The following LZTR1 variants were observed in gnomAD, a reference collection of about 807,000 sequenced individuals.
LZTR1 encodes leucine-zipper-like transcriptional regulator 1.
A neutral mutation model predicts 105.7 loss-of-function variants in LZTR1; 260 were observed. The observed-to-expected ratio is 2.46, with a 90% CI of 2.22 to 2.72. The LOEUF (loss-of-function observed/expected upper bound fraction) is 2.72. Ranked by LOEUF, LZTR1 falls within the 30% of genes most tolerant of loss-of-function variation. LZTR1 has a pLI of 0.00. For missense variants in LZTR1, 1,214 were observed against 1,166.9 expected (o/e 1.04, Z -0.59); for synonymous variants, 490 against 476.4 (o/e 1.03, Z -0.37).
rs1190268151 is a variant in LZTR1 at position 20,995,018 on chromosome 22, T to G, written c.1934T>G (p.Val645Gly). ...CCTCGCACTCCCTTGGACCAGCCAG[T>G]GGACATTGGTAGGGAGCCCCGTTCC... The part of the protein sequence containing the change: ...PPPRTPLDQP[V>G]DIGTSLIQDM... Residue 645 changes from valine to glycine, a missense_variant, in exon 16 of 21, where the codon GTG (valine) becomes GGG (glycine). By Grantham distance (109) the Val-to-Gly change is moderately radical. Coordinates refer to ENST00000646124, the MANE Select transcript of LZTR1 (RefSeq NM_006767.4). 30 of 1,608,912 alleles carry G rather than the reference T, an allele frequency of 1.9e-5. No homozygotes were observed. Among genetic ancestry groups the G allele is most frequent in the Non-Finnish European group, 2.3e-5 (27 of 1,177,764 alleles).
In LZTR1 at chr22:20,991,805, C is replaced by T. The variant is rs749217623; in HGVS notation, c.969C>T (p.Val323=). ...CYDVDFQTWE[V]VQPSSDSEVG... is the part of the protein sequence containing the mutation. ...ACGTGGACTTCCAGACCTGGGAGGTCGTCCAGCCCAGCTCCGACAGCGAGG... is the reference window on the plus strand; with the variant it reads ...ACGTGGACTTCCAGACCTGGGAGGTTGTCCAGCCCAGCTCCGACAGCGAGG... The change falls in exon 9 of 21, where the codon GTC becomes GTT. Residue 323 remains valine, a synonymous_variant. Coordinates refer to ENST00000646124, the MANE Select transcript of LZTR1 (RefSeq NM_006767.4). 110 of 1,550,962 alleles carry T rather than the reference C, an allele frequency of 7.1e-5. No homozygotes were observed. The East Asian group carries it at 2.0e-3, about 28-fold the overall frequency.
intron 2 of LZTR1, among the ~76,000 whole-genome samples, chr22:20,983,701 C>T (rs1924278564): frequency 6.6e-6 from 1 of 152,160 alleles, no homozygotes; most frequent in Non-Finnish European, 1.5e-5. Flanking sequence ...GGCTCTGCAG[C>T]CTTGGTCCTG....
At chr22:20,996,993 A>C in intron 20 of LZTR1, 27 bp downstream of exon 20, 4 of 1,610,956 alleles carry the variant, frequency 2.5e-6, no homozygotes, top group Middle Eastern at 1.7e-4. Context: ...CCCCTTCAGG[A>C]CTCGCTTCCC....
At position 20,996,802 on chromosome 22, in the gene LZTR1, G is replaced by T. The variant is rs1263566071; in HGVS notation, c.2325+1G>T. The T allele has an allele frequency of 6.2e-7, 1 of 1,613,476 alleles. No individual in the cohort carries two copies. The highest frequency in any genetic ancestry group is 8.5e-7 in the Non-Finnish European group (1 of 1,179,960). On this transcript the variant is annotated splice_donor_variant, in intron 19 of 20. Coordinates refer to ENST00000646124, the MANE Select transcript of LZTR1 (RefSeq NM_006767.4). LOFTEE classifies it high-confidence loss of function. ...CGTGACGGTGCAGAACGTGCTGCAGGTAGCCCCCCAGCCCCGTGCACATGG... is the reference window on the plus strand; with the variant it reads ...CGTGACGGTGCAGAACGTGCTGCAGTTAGCCCCCCAGCCCCGTGCACATGG...
Position 20,995,044 on chromosome 22 carries a change from C to T in LZTR1, c.1942+18C>T, listed in dbSNP as rs1366618998. The T allele has an allele frequency of 1.9e-6, 3 of 1,596,926 alleles. No individual in the cohort carries two copies. In the Admixed American group the frequency reaches 5.1e-5, roughly 27 times the overall value. On this transcript the variant is annotated intron_variant, in intron 16 of 20. Transcript: ENST00000646124. ...GGACATTGGTAGGGAGCCCCGTTCC[C>T]CTTCCCTGGGGGCTGGGAGGGATGG...
chr22:20,994,301 T>C, intron 14 of LZTR1, 32 bp downstream of exon 14: 1 of 1,591,904 alleles, frequency 6.3e-7, no homozygotes. Context: ...GCAGGGTTGG[T>C]GTGGGCTGGG....
At position 20,997,499 on chromosome 22, in the gene LZTR1, G is replaced by A. The variant is rs1924913231; in HGVS notation, c.*151G>A. The A allele has an allele frequency of 1.6e-6, 1 of 635,922 alleles. No homozygotes were observed. Among genetic ancestry groups the A allele is most frequent in the Non-Finnish European group, 2.8e-6 (1 of 362,806 alleles). 39.4% of individuals were successfully genotyped at this position (635,922 alleles called of 1,614,324 possible). A position where few individuals can be genotyped will look rare whatever the true frequency, so the allele number is the denominator to read the frequency against. ...CCAGAGCCTCCAAAGAGAGCTGAGGGGATGTGGGGCCCCAAACTCATTAAT... is the reference window on the plus strand; with the variant it reads ...CCAGAGCCTCCAAAGAGAGCTGAGGAGATGTGGGGCCCCAAACTCATTAAT... On this transcript the variant is annotated 3_prime_UTR_variant, in exon 21 of 21. Coordinates refer to ENST00000646124, the MANE Select transcript of LZTR1 (RefSeq NM_006767.4).
At position 20,992,881 on chromosome 22, in the gene LZTR1, A is replaced by T. The variant is rs771277433; in HGVS notation, c.1237A>T (p.Ser413Cys). The change falls in exon 11 of 21, where the codon AGC becomes TGC. Residue 413 changes from serine to cysteine, a missense_variant. Ser to Cys is a moderately radical substitution (Grantham distance 112). Coordinates refer to ENST00000646124, the MANE Select transcript of LZTR1 (RefSeq NM_006767.4). Reference sequence around the variant, plus strand: ...GGGCACGGTGGACAACAACATCCGCAGCGGGGAGATGTACAGGTTCCAGGT... The same window carrying T: ...GGGCACGGTGGACAACAACATCCGCTGCGGGGAGATGTACAGGTTCCAGGT... ...FGGTVDNNIR[S>C]GEMYRFQFSC... 6.2e-7 allele frequency: 1 copy of T among 1,607,354 alleles called. No individual in the cohort carries two copies. Among genetic ancestry groups the T allele is most frequent in the Non-Finnish European group, 8.5e-7 (1 of 1,176,648 alleles).
chr22:20,983,006 C>A, intron 1 of LZTR1, 21 bp from the exon 2 acceptor site: 1 of 1,612,836 alleles, frequency 6.2e-7, no homozygotes, highest in Non-Finnish European at 8.5e-7. Flanking sequence ...TCCTTACCGC[C>A]CTCCACTCCT....
At position 20,994,179 on chromosome 22, in the gene LZTR1, C is replaced by A. The variant is rs1924719481; in HGVS notation, c.1525C>A (p.Leu509Met). The change falls in exon 14 of 21, where the codon CTG (leucine) becomes ATG (methionine). Residue 509 changes from leucine (L) to methionine (M), a missense_variant. Leu to Met is a conservative substitution (Grantham distance 15). Transcript: ENST00000646124. ...VAAGGARPPL[L>M]HVAIREAEAR... Reference sequence around the variant, plus strand: ...TGCTGGTGGGGCCCGGCCGCCCCTGCTGCACGTGGCCATCCGGGAGGCCGA... The same window carrying A: ...TGCTGGTGGGGCCCGGCCGCCCCTGATGCACGTGGCCATCCGGGAGGCCGA... 6.2e-7 allele frequency: 1 copy of A among 1,601,992 alleles called. No individual in the cohort carries two copies. The highest frequency in any genetic ancestry group is 1.7e-5 in the Admixed American group (1 of 59,466).
At chr22:20,990,764 AACGTGAAGG>A in intron 8 of LZTR1, 1 of 493,972 alleles carries the variant, frequency 2.0e-6, no homozygotes, top group Non-Finnish European at 3.6e-6. Context: ...CCTCCCTCTG[AACGTGAAGG>A]ACGTCCCCTT....
rs1041378372 is a variant in LZTR1, at chr22:20,998,576, A to T, written c.*1228A>T. On this transcript the variant is annotated 3_prime_UTR_variant, in exon 21 of 21. Transcript: ENST00000646124. ...GTATGCAGGTGTGTGGGGGGCCCTGAGTGGCAAGTTGCTTAGCTAACAGGA... is the reference window on the plus strand; with the variant it reads ...GTATGCAGGTGTGTGGGGGGCCCTGTGTGGCAAGTTGCTTAGCTAACAGGA... 2 of 152,388 alleles carry T rather than the reference A, an allele frequency of 1.3e-5. No homozygotes were observed. The highest frequency in any genetic ancestry group is 6.5e-5 in the Admixed American group (1 of 15,288). 9.4% of individuals were successfully genotyped at this position (152,388 alleles called of 1,614,324 possible).
intron 2 of LZTR1, among the ~76,000 whole-genome samples, chr22:20,984,371 C>T (rs562459971): frequency 7.2e-5 from 11 of 152,316 alleles, no homozygotes; most frequent in Non-Finnish European, 1.5e-4. Flanking sequence ...GAGAACCCTC[C>T]AAACCAGAAA....
rs142418387 is a variant in LZTR1, at chr22:20,993,965, G to A, written c.1395G>A (p.Ala465=). ...CVQGHVAIVT[A]RSRWLRRKIT... ...AGGGCCACGTAGCCATTGTCACAGC[G>A]CGGAGCCGCTGGCTTCGCAGGAAGA... Residue 465 remains alanine (A), a synonymous_variant, in exon 13 of 21, where the codon GCG becomes GCA. Coordinates refer to ENST00000646124, the MANE Select transcript of LZTR1 (RefSeq NM_006767.4). The A allele has an allele frequency of 1.4e-3, 2,232 of 1,612,764 alleles. 8 individuals are homozygous for A. The highest frequency in any genetic ancestry group is 1.8e-3 in the Non-Finnish European group (2,078 of 1,179,872).
chr22:20,985,436 C>A (rs1057048141), intron 2 of LZTR1, among the ~76,000 whole-genome samples: 3 of 148,064 alleles, frequency 2.0e-5, no homozygotes, highest in Admixed American at 2.0e-4. Flanking sequence ...GAGGCACGGG[C>A]AAGCACTTGC....
chr22:20,983,238 C>T (rs1924264139), intron 2 of LZTR1, 149 bp downstream of exon 2: 1 of 691,892 alleles, frequency 1.4e-6, no homozygotes, highest in Non-Finnish European at 2.6e-6. Context: ...TCCTTGCACT[C>T]ACCTCCCTGG....
At chr22:20,995,557 C>T in intron 16 of LZTR1, 189 bp from the exon 17 acceptor site, 1 of 755,958 alleles carries the variant, frequency 1.3e-6, no homozygotes, top group Non-Finnish European at 2.4e-6. Flanking sequence ...GGGCATAGTG[C>T]TTGAGTCGGC....
chr22:20,986,090 C>T (rs1015045079), intron 3 of LZTR1, 193 bp downstream of exon 3: 16 of 614,128 alleles, frequency 2.6e-5, no homozygotes, highest in Non-Finnish European at 4.3e-5. Context: ...AGTAACCACC[C>T]CGCACCTGCA....
chr22:20,993,043 C>T, intron 11 of LZTR1, 139 bp downstream of exon 11: 1 of 645,568 alleles, frequency 1.5e-6, no homozygotes, highest in Non-Finnish European at 2.7e-6. Context: ...TTGGGAGGAG[C>T]CCTGTGGGCT....
Sources: gnomAD v4.1 joint callset for allele counts (sites outside exome capture counted in the v4.1 genomes callset) on GRCh38, gnomAD v4.1.1 for gene constraint, MANE v1.5 for transcripts, NCBI Gene and HGNC (gene_info 2026-07-23, HGNC 2026-07-21) for gene names.